SGK3: variants seen among roughly 807,000 people sequenced by gnomAD.
SGK3 encodes serum/glucocorticoid regulated kinase family member 3.
Under a neutral mutation model 68.5 loss-of-function variants are expected in SGK3, and 47 were observed. That is an observed-to-expected ratio of 0.69 (90% confidence interval 0.54 to 0.87). The LOEUF is 0.87. Among genes scored for constraint, SGK3 ranks in the 40% least tolerant of loss-of-function variants. The pLI, the probability that SGK3 is intolerant of heterozygous loss-of-function variation, is 0.00. For synonymous variants in SGK3, 181 were observed against 189.1 expected (o/e 0.96, Z 0.35); for missense variants, 479 against 575.5 (o/e 0.83, Z 1.72).
intron 2 of SGK3, among the ~76,000 whole-genome samples, chr8:66,797,897 T>G (rs762642016): frequency 5.9e-5 from 9 of 152,226 alleles, no homozygotes; most frequent in Non-Finnish European, 8.8e-5. Context: ...AATGAGCACA[T>G]GAGTGTTGAC....
At chr8:66,718,871 A>G (rs923859765) in intron 1 of SGK3, among the ~76,000 whole-genome samples, 2 of 152,116 alleles carry the variant, frequency 1.3e-5, no homozygotes, top group African/African-American at 4.8e-5. Context: ...GAATTTTGGA[A>G]TCATATTCTT....
At chr8:66,783,497 G>T (rs552913290) in intron 1 of SGK3, among the ~76,000 whole-genome samples, 22 of 151,952 alleles carry the variant, frequency 1.4e-4, no homozygotes, top group African/African-American at 3.9e-4. Context: ...TCTAATTTTT[G>T]TGTGTGTGTG....
intron 1 of SGK3, among the ~76,000 whole-genome samples, chr8:66,746,086 A>T (rs1381938196): frequency 6.6e-6 from 1 of 152,176 alleles, no homozygotes; most frequent in African/African-American, 2.4e-5. Flanking sequence ...TTTCTCCAGA[A>T]CTATTCAGGT....
At chr8:66,771,555 A>G (rs2130490333) in intron 1 of SGK3, among the ~76,000 whole-genome samples, 1 of 152,338 alleles carries the variant, frequency 6.6e-6, no homozygotes, top group African/African-American at 2.4e-5. Flanking sequence ...CTGTGATTCA[A>G]GGGTTTATTT....
chr8:66,761,472 G>T (rs920303172), intron 1 of SGK3, among the ~76,000 whole-genome samples: 18 of 152,170 alleles, frequency 1.2e-4, no homozygotes, highest in African/African-American at 4.3e-4. Flanking sequence ...TAACATCTTT[G>T]TGTTATTATA....
intron 1 of SGK3, among the ~76,000 whole-genome samples, chr8:66,738,612 A>G (rs1283712131): frequency 2.7e-5 from 4 of 150,708 alleles, no homozygotes; most frequent in Non-Finnish European, 5.9e-5. Context: ...ACTAGGCAGA[A>G]CTGGCTCAAG....
chr8:66,858,094 G>A (rs761235484), intron 16 of SGK3, among the ~76,000 whole-genome samples: 7 of 152,070 alleles, frequency 4.6e-5, no homozygotes, highest in East Asian at 1.9e-4. Context: ...ACTTATAACC[G>A]CTTCATTTAT....
chr8:66,740,003 A>G (rs1043736745), intron 1 of SGK3, among the ~76,000 whole-genome samples: 1 of 152,232 alleles, frequency 6.6e-6, no homozygotes, highest in African/African-American at 2.4e-5. Context: ...ACTACAATTC[A>G]AGATGAGATT....
intron 8 of SGK3, among the ~76,000 whole-genome samples, chr8:66,834,461 C>G (rs539709317): frequency 6.8e-6 from 1 of 146,634 alleles, no homozygotes; most frequent in Admixed American, 6.7e-5. Context: ...AGGCTACTGG[C>G]AGGGTTTTGT....
In SGK3 at chr8:66,777,250, T is replaced by C. The variant is rs570259778; in HGVS notation, c.-121-16366T>C. Among the ~76,000 whole-genome samples the C allele has an allele frequency of 5.9e-5, 9 of 152,346 alleles. No individual in the cohort carries two copies. In the East Asian group the frequency reaches 9.6e-4, roughly 16 times the overall value. On this transcript the variant is annotated intron_variant, in intron 1 of 16. Coordinates refer to ENST00000521198, the MANE Select transcript of SGK3 (RefSeq NM_001033578.3). ...AAAATTGCATACAACACCACACTTATATATTGACCTATTGATTGACTTATT... is the reference window on the plus strand; with the variant it reads ...AAAATTGCATACAACACCACACTTACATATTGACCTATTGATTGACTTATT...
At chr8:66,824,766 A>G (rs1191485853) in intron 6 of SGK3, among the ~76,000 whole-genome samples, 1 of 152,194 alleles carries the variant, frequency 6.6e-6, no homozygotes, top group Admixed American at 6.6e-5. Context: ...TCAAGATCAG[A>G]TGTTAAGCTT....
chr8:66,834,233 T>C (rs1423497601), intron 8 of SGK3, among the ~76,000 whole-genome samples: 7 of 151,240 alleles, frequency 4.6e-5, no homozygotes, highest in Admixed American at 4.6e-4. Context: ...TAACAAAATA[T>C]GAGAACTATG....
At chr8:66,835,647 T>A (rs1470210254) in intron 8 of SGK3, 116 bp from the exon 9 acceptor site, 9 of 1,074,858 alleles carry the variant, frequency 8.4e-6, no homozygotes, top group Non-Finnish European at 6.5e-6. Flanking sequence ...ATGATCTAGG[T>A]CCCTTATGGA....
chr8:66,729,504 T>C (rs1805081767), intron 1 of SGK3, among the ~76,000 whole-genome samples: 2 of 151,970 alleles, frequency 1.3e-5, no homozygotes, highest in African/African-American at 4.8e-5. Context: ...GAATATACCA[T>C]ATTTTGCTTA....
chr8:66,776,209 C>T (rs1439374150), intron 1 of SGK3, among the ~76,000 whole-genome samples: 1 of 152,158 alleles, frequency 6.6e-6, no homozygotes, highest in Non-Finnish European at 1.5e-5. Flanking sequence ...GGGGTGTTAC[C>T]TGATGTGATC....
chr8:66,835,314 T>C (rs1192547979), intron 8 of SGK3, among the ~76,000 whole-genome samples: 2 of 152,248 alleles, frequency 1.3e-5, no homozygotes, highest in African/African-American at 2.4e-5. Context: ...CATGGCACTT[T>C]TTCTTCTGAA....
At chr8:66,808,129 A>C (rs1049474322) in intron 4 of SGK3, among the ~76,000 whole-genome samples, 2 of 152,218 alleles carry the variant, frequency 1.3e-5, no homozygotes, top group African/African-American at 4.8e-5. Context: ...AGATTGGGAA[A>C]GGCAAAAGGG....
intron 1 of SGK3, among the ~76,000 whole-genome samples, chr8:66,751,852 G>A (rs1186371392): frequency 3.3e-5 from 5 of 151,696 alleles, no homozygotes; most frequent in Non-Finnish European, 5.9e-5. Flanking sequence ...CGCAACCTCC[G>A]ACTCCCGGGT....
At chr8:66,805,380 A>G (rs958659729) in intron 4 of SGK3, among the ~76,000 whole-genome samples, 16 of 151,820 alleles carry the variant, frequency 1.1e-4, no homozygotes, top group Admixed American at 2.0e-4. Context: ...TTAGCCGGGC[A>G]TGATGGTGGG....
Sources: allele counts gnomAD v4.1 joint callset (sites outside exome capture counted in the v4.1 genomes callset), GRCh38; gene constraint gnomAD v4.1.1; transcripts MANE v1.5; gene names NCBI Gene and HGNC (gene_info 2026-07-23, HGNC 2026-07-21).